Variants in GALNT6 observed in about 807,000 individuals in gnomAD.
GALNT6 encodes polypeptide N-acetylgalactosaminyltransferase 6, also known as GalNAc transferase 6.
In GALNT6, 51 loss-of-function variants were observed where a neutral mutation model predicts 65.9. That is an observed-to-expected ratio of 0.77 (90% CI 0.62 to 0.98). The LOEUF is 0.98. GALNT6 is among the 50% of genes least tolerant of loss of function. GALNT6 has a pLI of 0.00. For missense variants in GALNT6, 708 were observed against 803.3 expected (o/e 0.88, Z 1.43); for synonymous variants, 323 against 315.1 (o/e 1.02, Z -0.26).
chr12:51,354,479 C>T lies in GALNT6; in HGVS notation c.1769G>A (p.Arg590Lys). ...EWELAQDQLI[R>K]NSGSGTCLTS... The stretch of plus-strand genomic sequence containing the variant: ...CAGGCAGGTACCAGATCCTGAGTTC[C>T]TGATGAGCTGATCCTAAAAGATGAC... The change falls in exon 12 of 12, where the codon AGG (arginine) becomes AAG (lysine). Residue 590 changes from arginine (R) to lysine (K), a missense_variant. By Grantham distance (26) the Arg-to-Lys change is conservative. Transcript: ENST00000356317. 1 of 1,595,564 alleles carries T rather than the reference C, an allele frequency of 6.3e-7. No homozygotes were observed. Among genetic ancestry groups the T allele is most frequent in the Non-Finnish European group, 8.5e-7 (1 of 1,170,660 alleles).
At chr12:51,384,462 T>A (rs1225368188) in intron 2 of GALNT6, among the ~76,000 whole-genome samples, 2 of 152,140 alleles carry the variant, frequency 1.3e-5, no homozygotes, top group Non-Finnish European at 2.9e-5. Flanking sequence ...GAGGCCATGG[T>A]GGGCAGATCA....
chr12:51,370,745 G>A (rs1203869084), intron 4 of GALNT6, among the ~76,000 whole-genome samples: 1 of 151,804 alleles, frequency 6.6e-6, no homozygotes, highest in African/African-American at 2.4e-5. Flanking sequence ...AGTTTGGGAT[G>A]ACAAAAAATA....
In GALNT6 at chr12:51,377,331, C is replaced by T; in HGVS notation, c.528G>A (p.Leu176=). 6.2e-7 allele frequency: 1 copy of T among 1,612,760 alleles called. No homozygotes were observed. Among genetic ancestry groups the T allele is most frequent in the East Asian group, 2.2e-5 (1 of 44,874 alleles). Residue 176 remains leucine, a synonymous_variant, in exon 4 of 12, where the codon CTG becomes CTA. Transcript: ENST00000356317. ...ACACAATGATCACGCTGGTGGTGGCCAGTGGGGGGCAGCGCCGGAACTTCT... is the reference window on the plus strand; with the variant it reads ...ACACAATGATCACGCTGGTGGTGGCTAGTGGGGGGCAGCGCCGGAACTTCT... The part of the protein sequence containing the change: ...VDQKFRRCPP[L]ATTSVIIVFH...
chr12:51,379,286 C>G lies in GALNT6; in HGVS notation c.491+5G>C. 6.6e-7 allele frequency: 1 copy of G among 1,520,634 alleles called. No individual in the cohort carries two copies. Among genetic ancestry groups the G allele is most frequent in the Non-Finnish European group, 8.8e-7 (1 of 1,137,358 alleles). The allele number at this position is 1,520,634 out of a possible 1,614,324, so 94.2% of individuals were successfully genotyped here. Reference sequence around the variant, plus strand: ...CTCCCCACAAGGACTCTGGGTGCTACTTACTCAGGTGGTCGGGTGTCTGGC... The same window carrying G: ...CTCCCCACAAGGACTCTGGGTGCTAGTTACTCAGGTGGTCGGGTGTCTGGC... On this transcript the variant is annotated splice_donor_5th_base_variant and intron_variant, in intron 3 of 11. Transcript: ENST00000356317.
At chr12:51,363,478 TA>T (rs1197300920) in intron 6 of GALNT6, among the ~76,000 whole-genome samples, 2 of 151,900 alleles carry the variant, frequency 1.3e-5, no homozygotes, top group Non-Finnish European at 2.9e-5. Flanking sequence ...TTAATGTTTG[TA>T]AAAAAAATAA....
Position 51,369,721 on chromosome 12 carries a change from C to T in GALNT6, c.665-4142G>A, listed in dbSNP as rs913546521. The stretch of plus-strand genomic sequence containing the variant: ...TGCAAATCTGCCCCCCAGTCTCCCT[C>T]ACGTCAGTACACGGTGCCAGCATCC... On this transcript the variant is annotated intron_variant, in intron 4 of 11. Coordinates refer to ENST00000356317, the MANE Select transcript of GALNT6 (RefSeq NM_007210.4). Among the ~76,000 whole-genome samples the T allele has an allele frequency of 2.0e-5, 3 of 152,190 alleles. No homozygotes were observed. The South Asian group carries it at 6.2e-4, about 32-fold the overall frequency.
chr12:51,360,916 A>C, intron 6 of GALNT6, 78 bp from the exon 7 acceptor site: 1 of 877,250 alleles, frequency 1.1e-6, no homozygotes, highest in South Asian at 1.5e-5. Flanking sequence ...CTGTTTGTGG[A>C]CTCCCCTCCT....
chr12:51,354,634 G>A (rs1013835784), intron 11 of GALNT6, 142 bp from the exon 12 acceptor site: 1 of 596,864 alleles, frequency 1.7e-6, no homozygotes, highest in Non-Finnish European at 2.9e-6. Flanking sequence ...TTCCTTTCCT[G>A]CCCTCTCATG....
At chr12:51,358,800 C>T (rs1036811624) in intron 8 of GALNT6, among the ~76,000 whole-genome samples, 11 of 152,198 alleles carry the variant, frequency 7.2e-5, no homozygotes, top group African/African-American at 2.4e-4. Flanking sequence ...ACTCCCCAGA[C>T]AATTATGTCC....
Position 51,378,585 on chromosome 12 carries a change from G to A in GALNT6, c.491+706C>T, listed in dbSNP as rs536209488. Among the ~76,000 whole-genome samples the A allele has an allele frequency of 2.0e-5, 3 of 152,282 alleles. No individual in the cohort carries two copies. The South Asian group carries it at 6.2e-4, about 32-fold the overall frequency. On this transcript the variant is annotated intron_variant, in intron 3 of 11. Transcript: ENST00000356317. ...CTAAAGACTCACGAAATCTGGGGAT[G>A]AGGGCTGCCATTTGAGAAAAGGCCA... is the stretch of plus-strand genomic sequence containing the variant.
chr12:51,357,241 G>T, intron 10 of GALNT6, 108 bp downstream of exon 10: 1 of 705,966 alleles, frequency 1.4e-6, no homozygotes, highest in Non-Finnish European at 2.6e-6. Context: ...CTTCCTGAGG[G>T]CAGGGATGGT....
rs1946631891 is a variant in GALNT6, at chr12:51,352,280, G to T, written c.*2099C>A. 1.3e-5 allele frequency: 2 copies of T among 152,340 alleles called. No homozygotes were observed. Among genetic ancestry groups the T allele is most frequent in the South Asian group, 2.1e-4 (1 of 4,830 alleles). The allele number at this position is 152,340 out of a possible 1,614,324, so 9.4% of individuals were successfully genotyped here. A position where few individuals can be genotyped will look rare whatever the true frequency, so the allele number is the denominator to read the frequency against. On this transcript the variant is annotated 3_prime_UTR_variant, in exon 12 of 12. Coordinates refer to ENST00000356317, the MANE Select transcript of GALNT6 (RefSeq NM_007210.4). ...CAGCCTTCCAGACACGCTCAACTCT[G>T]CACACTCTTCCTGCCGCCTCAGGCT...
rs1947864067 is a variant in GALNT6 at position 51,387,016 on chromosome 12, T to G, written c.-104+3834A>C. Among the ~76,000 whole-genome samples the G allele has an allele frequency of 6.6e-6, 1 of 152,352 alleles. No individual in the cohort carries two copies. The highest frequency in any genetic ancestry group is 1.9e-4 in the East Asian group (1 of 5,194). ...TCAAGCTGCAATACTGTGGCTTATTTTCCCAGGAAGATACGCTGAAAATTA... is the reference window on the plus strand; with the variant it reads ...TCAAGCTGCAATACTGTGGCTTATTGTCCCAGGAAGATACGCTGAAAATTA... On this transcript the variant is annotated intron_variant, in intron 2 of 11. Transcript: ENST00000356317. This position sits in a 1 kb window ranked among gnomAD's most constrained non-coding sequence, Gnocchi z 4.2.
chr12:51,381,630 T>C (rs1947674872), intron 2 of GALNT6, among the ~76,000 whole-genome samples: 2 of 152,246 alleles, frequency 1.3e-5, no homozygotes, highest in Non-Finnish European at 1.5e-5. Context: ...TTTTGATCAT[T>C]AGCAGCTGTG....
At chr12:51,357,254 C>G in intron 10 of GALNT6, 95 bp downstream of exon 10, 2 of 772,450 alleles carry the variant, frequency 2.6e-6, no homozygotes, top group South Asian at 3.1e-5. Flanking sequence ...GGGATGGTAT[C>G]TCCTCCCTCC....
chr12:51,367,124 A>T (rs1947133531), intron 4 of GALNT6, among the ~76,000 whole-genome samples: 1 of 152,060 alleles, frequency 6.6e-6, no homozygotes, highest in South Asian at 2.1e-4. Context: ...TTAGCTGGGC[A>T]CGCATGCTTG....
At chr12:51,357,307 G>A (rs772235257) in intron 10 of GALNT6, 42 bp downstream of exon 10, 19 of 1,258,200 alleles carry the variant, frequency 1.5e-5, no homozygotes, top group Admixed American at 8.4e-5. Flanking sequence ...AAAAGGAGCC[G>A]GTGAGGAGAG....
At position 51,356,531 on chromosome 12, in the gene GALNT6, TA is replaced by T. The variant is rs145025910; in HGVS notation, c.1603-574del. Among the ~76,000 whole-genome samples the T allele has an allele frequency of 9.0e-4, 130 of 144,042 alleles. No homozygotes were observed. The East Asian group carries it at 0.024, about 27-fold the overall frequency. The allele number at this position is 144,042 out of a possible 152,430, so 94.5% of individuals were successfully genotyped here. ...GTAGCACCACACTCAGCTAATTTTT[TA>T]AAAATTTTTTATAGAGATGGGGTGT... On this transcript the variant is annotated intron_variant, in intron 10 of 11. Transcript: ENST00000356317.
At chr12:51,381,122 C>T (rs1383743463) in intron 2 of GALNT6, among the ~76,000 whole-genome samples, 1 of 152,118 alleles carries the variant, frequency 6.6e-6, no homozygotes, top group Non-Finnish European at 1.5e-5. Context: ...CACCTGTAGT[C>T]CTAGCTGCCT....
Sources: allele counts gnomAD v4.1 joint callset (sites outside exome capture counted in the v4.1 genomes callset), GRCh38; gene constraint gnomAD v4.1.1; non-coding constraint Gnocchi (gnomAD v3.1); transcripts MANE v1.5; gene names NCBI Gene and HGNC (gene_info 2026-07-23, HGNC 2026-07-21).